The following ZNF7 variants were observed in gnomAD, a reference collection of about 807,000 sequenced individuals.
The protein encoded by ZNF7 is C2-H2 type zinc finger protein.
ZNF7 carries 10 observed loss-of-function variants against 12.0 expected under a neutral mutation model. That is an observed-to-expected ratio of 0.83 (90% CI 0.51 to 1.42). ZNF7 has a LOEUF of 1.42. Among genes scored for constraint, ZNF7 ranks in the 40% most tolerant of loss-of-function variants. ZNF7 has a pLI of 0.00. For synonymous variants in ZNF7, 334 were observed against 295.0 expected (o/e 1.13, Z -1.35); for missense variants, 854 against 837.2 (o/e 1.02, Z -0.25).
Position 144,842,176 on chromosome 8 carries a change from A to G in ZNF7, c.1069A>G (p.Thr357Ala). The change falls in exon 5 of 5, where the codon ACT becomes GCT. Residue 357 changes from threonine (T) to alanine (A), a missense_variant. Thr to Ala is a moderately conservative substitution (Grantham distance 58). Coordinates refer to ENST00000532777, the MANE Select transcript of ZNF7 (RefSeq NM_003416.4). ...GCTGGTTAGACACCAGAGAACTCAC[A>G]CTGGGGAGAGGCCCTACCCTTGCAA... ...SQLVRHQRTH[T>A]GERPYPCKEC... is the part of the protein sequence containing the mutation. 6.2e-7 allele frequency: 1 copy of G among 1,614,130 alleles called. No homozygotes were observed. The highest frequency in any genetic ancestry group is 8.5e-7 in the Non-Finnish European group (1 of 1,179,996).
At chr8:144,829,168 C>T in intron 2 of ZNF7, 78 bp downstream of exon 2, 1 of 1,604,290 alleles carries the variant, frequency 6.2e-7, no homozygotes. Flanking sequence ...GGCCCTGGGC[C>T]CAGACCCTAC....
chr8:144,843,278 C>G lies in ZNF7; in HGVS notation c.*110C>G. On this transcript the variant is annotated 3_prime_UTR_variant, in exon 5 of 5. Transcript: ENST00000532777. Reference sequence around the variant, plus strand: ...AACATGTAGAATGTTGGTAAAGGTTCAGAATTGCTCTCAAGAATATCCAAC... The same window carrying G: ...AACATGTAGAATGTTGGTAAAGGTTGAGAATTGCTCTCAAGAATATCCAAC... The G allele has an allele frequency of 7.6e-7, 1 of 1,320,986 alleles. No homozygotes were observed. Among genetic ancestry groups the G allele is most frequent in the Non-Finnish European group, 1.0e-6 (1 of 977,996 alleles). 81.8% of individuals were successfully genotyped at this position (1,320,986 alleles called of 1,614,324 possible).
intron 4 of ZNF7, among the ~76,000 whole-genome samples, chr8:144,839,319 T>A (rs1359857627): frequency 6.6e-6 from 1 of 152,260 alleles, no homozygotes; most frequent in Non-Finnish European, 1.5e-5. Context: ...CCAGGAAGTC[T>A]GCATGTGATG....
intron 3 of ZNF7, chr8:144,836,068 G>C (rs1407820914): frequency 1.3e-5 from 2 of 152,212 alleles, no homozygotes; most frequent in Non-Finnish European, 2.9e-5. Flanking sequence ...AAATTTTTCT[G>C]GGTATAGTGG....
chr8:144,842,181 G>C lies in ZNF7; in HGVS notation c.1074G>C (p.Gly358=). The change falls in exon 5 of 5, where the codon GGG becomes GGC. Residue 358 remains glycine, a synonymous_variant. Transcript: ENST00000532777. ...QLVRHQRTHT[G]ERPYPCKECG... The stretch of plus-strand genomic sequence containing the variant: ...TTAGACACCAGAGAACTCACACTGG[G>C]GAGAGGCCCTACCCTTGCAAGGAGT... The C allele has an allele frequency of 6.2e-7, 1 of 1,613,668 alleles. No individual in the cohort carries two copies. Among genetic ancestry groups the C allele is most frequent in the Non-Finnish European group, 8.5e-7 (1 of 1,179,902 alleles).
downstream of ZNF7, among the ~76,000 whole-genome samples, chr8:144,845,188 C>A (rs1464049902): frequency 6.6e-6 from 1 of 152,140 alleles, no homozygotes; most frequent in African/African-American, 2.4e-5. Context: ...TAGAAGCTCA[C>A]GAGAAATCCT....
chr8:144,842,874 C>T lies in ZNF7; in HGVS notation c.1767C>T (p.Ala589=). 1 of 1,614,196 alleles carries T rather than the reference C, an allele frequency of 6.2e-7. No individual in the cohort carries two copies. The highest frequency in any genetic ancestry group is 8.5e-7 in the Non-Finnish European group (1 of 1,180,036). Residue 589 remains alanine, a synonymous_variant, in exon 5 of 5, where the codon GCC becomes GCT. Coordinates refer to ENST00000532777, the MANE Select transcript of ZNF7 (RefSeq NM_003416.4). ...ATGAGTGCAGTGAGTGTGGAAAAGC[C>T]TTCAGCCGGAGCTCATATCTTATTG... is the stretch of plus-strand genomic sequence containing the variant. The part of the protein sequence containing the change: ...KPYECSECGK[A]FSRSSYLIEH...
chr8:144,835,762 GTTT>G, intron 3 of ZNF7: 1 of 152,196 alleles, frequency 6.6e-6, no homozygotes, highest in East Asian at 1.9e-4. Context: ...TGTGTGTGGT[GTTT>G]GTTTGTTTTG....
chr8:144,829,396 C>T (rs774406977), intron 2 of ZNF7, 82 bp from the exon 3 acceptor site: 7 of 1,584,076 alleles, frequency 4.4e-6, no homozygotes, highest in South Asian at 2.3e-5. Flanking sequence ...CATGGGGCAG[C>T]TGCCTGAGAC....
intron 1 of ZNF7, 184 bp downstream of exon 1, chr8:144,827,793 CT>C: frequency 1.5e-6 from 1 of 668,150 alleles, no homozygotes; most frequent in Non-Finnish European, 1.9e-6. Context: ...CCCAGCCACC[CT>C]CCCCCGCGGC....
chr8:144,838,205 C>G (rs1829310890), intron 4 of ZNF7: 3 of 697,762 alleles, frequency 4.3e-6, no homozygotes, highest in Non-Finnish European at 5.2e-6. Flanking sequence ...CCCTGCGTGT[C>G]TGTGTTCATG....
chr8:144,833,431 C>T (rs1012585159), intron 3 of ZNF7, among the ~76,000 whole-genome samples: 9 of 151,902 alleles, frequency 5.9e-5, no homozygotes, highest in Non-Finnish European at 7.4e-5. Flanking sequence ...TACAGTGGTG[C>T]GATCTCGGCT....
chr8:144,836,555 C>G (rs187187508), intron 3 of ZNF7: 4 of 152,338 alleles, frequency 2.6e-5, no homozygotes, highest in Non-Finnish European at 5.9e-5. Context: ...TGTGGCTTGA[C>G]CCAAGGCTGT....
chr8:144,843,793 T>C (rs1166241986), downstream of ZNF7: 1 of 152,106 alleles, frequency 6.6e-6, no homozygotes, highest in East Asian at 1.9e-4. Context: ...GTTAAAATAA[T>C]TTACCTAAAC....
intron 4 of ZNF7, 168 bp from the exon 5 acceptor site, chr8:144,841,187 T>C: frequency 1.4e-6 from 1 of 698,240 alleles, no homozygotes; most frequent in Admixed American, 2.5e-5. Context: ...TGAAACCACT[T>C]TTGAGAACTG....
chr8:144,833,112 C>T (rs916800207), intron 3 of ZNF7, among the ~76,000 whole-genome samples: 12 of 150,242 alleles, frequency 8.0e-5, no homozygotes, highest in African/African-American at 2.7e-4. Context: ...ACAGGAGAAT[C>T]GCTTGAACCT....
intron 3 of ZNF7, chr8:144,834,639 T>C (rs957728205): frequency 5.9e-5 from 9 of 152,018 alleles, no homozygotes; most frequent in Admixed American, 5.9e-4. Flanking sequence ...ACGATATTTA[T>C]ATATAAATTT....
intron 1 of ZNF7, 137 bp downstream of exon 1, chr8:144,827,746 G>C (rs1242532217): frequency 4.3e-6 from 4 of 940,746 alleles, no homozygotes; most frequent in Non-Finnish European, 5.1e-6. Flanking sequence ...CGGGGGCTTT[G>C]CGGGGCCTTG....
At position 144,829,495 on chromosome 8, in the gene ZNF7, C is replaced by A. The variant is rs370062454; in HGVS notation, c.21C>A (p.Gly7=). The A allele has an allele frequency of 2.2e-5, 36 of 1,613,954 alleles. No individual in the cohort carries two copies. In the Admixed American group the frequency reaches 3.3e-4, roughly 15 times the overall value. MEVVTF[G]DVAVHFSREE... ...CCTTTCAGGAGGTGGTAACATTTGG[C>A]GATGTGGCTGTGCACTTCTCTCGGG... Residue 7 remains glycine (G), a synonymous_variant, in exon 3 of 5, where the codon GGC becomes GGA. Transcript: ENST00000532777.
Sources: allele counts gnomAD v4.1 joint callset (sites outside exome capture counted in the v4.1 genomes callset), GRCh38; gene constraint gnomAD v4.1.1; transcripts MANE v1.5; gene names NCBI Gene and HGNC (gene_info 2026-07-23, HGNC 2026-07-21).